Variants in ADRA1A observed in about 807,000 individuals in gnomAD.
ADRA1A encodes the protein adrenoceptor alpha 1A.
In ADRA1A, 31 loss-of-function variants were observed where a neutral mutation model predicts 29.6. That is an observed-to-expected ratio of 1.05 (90% CI 0.79 to 1.41). The LOEUF (loss-of-function observed/expected upper bound fraction) is 1.41. ADRA1A is among the 40% of genes most tolerant of loss of function. The pLI, the probability that ADRA1A is intolerant of heterozygous loss-of-function variation, is 0.00. For missense variants in ADRA1A, 619 were observed against 601.1 expected (o/e 1.03, Z -0.31); for synonymous variants, 311 against 254.3 (o/e 1.22, Z -2.12).
chr8:26,756,506 GCTCTTTTCCTCT>G, exon 3 of ADRA1A: 1 of 1,520,424 alleles, frequency 6.6e-7, no homozygotes. Context: ...GTCCCTGAAG[GCTCTTTTCCTCT>G]TTCCCTTTGC....
At chr8:26,772,947 C>T (rs536264939) in intron 2 of ADRA1A, among the ~76,000 whole-genome samples, 29 of 152,206 alleles carry the variant, frequency 1.9e-4, no homozygotes, top group Non-Finnish European at 3.1e-4. Context: ...TAAAGCTTTT[C>T]ATGTTGTCCT....
At chr8:26,828,816 G>A (rs1025758590) in intron 2 of ADRA1A, among the ~76,000 whole-genome samples, 2 of 151,996 alleles carry the variant, frequency 1.3e-5, no homozygotes, top group African/African-American at 4.8e-5. Context: ...TCATGCCTAT[G>A]GCTATTTGCT....
intron 2 of ADRA1A, among the ~76,000 whole-genome samples, chr8:26,840,579 C>T (rs1003682414): frequency 6.6e-6 from 1 of 150,788 alleles, no homozygotes. Context: ...TTATCCTGAA[C>T]TTTAGCGTTC....
intron 2 of ADRA1A, among the ~76,000 whole-genome samples, chr8:26,781,824 T>C (rs1807003391): frequency 6.6e-6 from 1 of 152,114 alleles, no homozygotes; most frequent in Admixed American, 6.5e-5. Context: ...AAGGAGGAAG[T>C]GTGAGGCTTT....
intron 2 of ADRA1A, among the ~76,000 whole-genome samples, chr8:26,776,763 G>C (rs978026780): frequency 6.6e-6 from 1 of 152,148 alleles, no homozygotes; most frequent in Admixed American, 6.5e-5. Flanking sequence ...TGTTCAGAAG[G>C]GTTTGTCAGC....
chr8:26,808,380 T>G (rs916453275), intron 2 of ADRA1A, among the ~76,000 whole-genome samples: 1 of 152,232 alleles, frequency 6.6e-6, no homozygotes, highest in African/African-American at 2.4e-5. Flanking sequence ...AATCTTCTAG[T>G]GCTGGATTTT....
At chr8:26,799,493 C>T (rs1253592898) in intron 2 of ADRA1A, among the ~76,000 whole-genome samples, 1 of 152,188 alleles carries the variant, frequency 6.6e-6, no homozygotes, top group Non-Finnish European at 1.5e-5. Flanking sequence ...AATCTGTGGT[C>T]AAATATACCC....
intron 2 of ADRA1A, among the ~76,000 whole-genome samples, chr8:26,814,240 T>G (rs142433400): frequency 1.7e-3 from 256 of 152,216 alleles, no homozygotes; most frequent in Middle Eastern, 6.8e-3. Context: ...TTTCTAAAAT[T>G]TTTCATTTAT....
chr8:26,822,347 C>T (rs1563280585), intron 2 of ADRA1A, among the ~76,000 whole-genome samples: 1 of 152,096 alleles, frequency 6.6e-6, no homozygotes, highest in Non-Finnish European at 1.5e-5. Flanking sequence ...TGTCTGAGGG[C>T]TAAAAGGGAT....
chr8:26,770,007 G>C lies in ADRA1A; in HGVS notation c.*142C>G. The C allele has an allele frequency of 6.9e-7, 1 of 1,453,866 alleles. No individual in the cohort carries two copies. Among genetic ancestry groups the C allele is most frequent in the Non-Finnish European group, 9.0e-7 (1 of 1,107,370 alleles). 90.1% of individuals were successfully genotyped at this position (1,453,866 alleles called of 1,614,324 possible). ...CTGTGCCCTACCCGCTGCCTGATGAGTTGGGTCTACCACCCACCCCATTCC... is the reference window on the plus strand; with the variant it reads ...CTGTGCCCTACCCGCTGCCTGATGACTTGGGTCTACCACCCACCCCATTCC... On this transcript the variant is annotated 3_prime_UTR_variant, in exon 3 of 3. Transcript: ENST00000380573.
intron 2 of ADRA1A, among the ~76,000 whole-genome samples, chr8:26,789,147 T>G (rs753469459): frequency 1.3e-5 from 2 of 151,482 alleles, no homozygotes; most frequent in Non-Finnish European, 1.5e-5. Context: ...TTCCCCTAAA[T>G]TGTTTTTAAA....
At chr8:26,789,261 T>A (rs1563254197) in intron 2 of ADRA1A, among the ~76,000 whole-genome samples, 1 of 152,120 alleles carries the variant, frequency 6.6e-6, no homozygotes, top group Non-Finnish European at 1.5e-5. Flanking sequence ...CTTCAAAATA[T>A]GTTGTGAAGC....
chr8:26,757,516 C>CA (rs917719672), intron 2 of ADRA1A, among the ~76,000 whole-genome samples: 2 of 150,330 alleles, frequency 1.3e-5, no homozygotes, highest in East Asian at 2.1e-4. Context: ...TCCATTTCCC[C>CA]CACCCCCCAC....
intron 2 of ADRA1A, among the ~76,000 whole-genome samples, chr8:26,789,734 C>A (rs1041502779): frequency 2.6e-5 from 4 of 151,992 alleles, no homozygotes; most frequent in African/African-American, 9.7e-5. Context: ...AGATTAATAT[C>A]CAGAATATAA....
rs913297866 is a variant in ADRA1A at position 26,806,724 on chromosome 8, A to C, written c.884-36058T>G. Among the ~76,000 whole-genome samples the C allele has an allele frequency of 3.3e-5, 5 of 152,204 alleles. No homozygotes were observed. The highest frequency in any genetic ancestry group is 7.3e-5 in the Non-Finnish European group (5 of 68,030). On this transcript the variant is annotated intron_variant, in intron 2 of 2. Transcript: ENST00000380573. The surrounding 1 kb of genome is among the most constrained non-coding windows in gnomAD (Gnocchi z 4.6). ...TAACCGAGAGTTCGGTCATTACATA[A>C]AGCTGCCACATGCCTGGAAGGAGGA...
rs758109485 is a variant in ADRA1A at position 26,770,596 on chromosome 8, G to A, written c.954C>T (p.Asn318=). 3 of 1,614,182 alleles carry A rather than the reference G, an allele frequency of 1.9e-6. No individual in the cohort carries two copies. The highest frequency in any genetic ancestry group is 2.2e-5 in the East Asian group (1 of 44,890). The part of the protein sequence containing the change: ...FKIVFWLGYL[N]SCINPIIYPC... Reference sequence around the variant, plus strand: ...GGTATATGATGGGGTTGATGCAGCTGTTTAGATATCCGAGCCAAAATACTA... The same window carrying A: ...GGTATATGATGGGGTTGATGCAGCTATTTAGATATCCGAGCCAAAATACTA... Residue 318 remains asparagine (N), a synonymous_variant, in exon 3 of 3, where the codon AAC becomes AAT. Transcript: ENST00000380573.
intron 2 of ADRA1A, among the ~76,000 whole-genome samples, chr8:26,771,341 A>C (rs1203272821): frequency 6.6e-6 from 1 of 152,220 alleles, no homozygotes; most frequent in African/African-American, 2.4e-5. Context: ...CTCTGGTCTA[A>C]CCAGCTTTCT....
rs1482492829 is a variant in ADRA1A, at chr8:26,825,588, C to T, written c.883+38499G>A. ...TTTTGATACTTATATCCCACTTATT[C>T]ACTAATCCCAGATCAAGCTTCACTT... On this transcript the variant is annotated intron_variant, in intron 2 of 2. Coordinates refer to ENST00000380573, the MANE Select transcript of ADRA1A (RefSeq NM_000680.4). The surrounding 1 kb of genome is among the most constrained non-coding windows in gnomAD (Gnocchi z 5.7). Among the ~76,000 whole-genome samples, 1 of 152,170 alleles carries T rather than the reference C, an allele frequency of 6.6e-6. No individual in the cohort carries two copies. Among genetic ancestry groups the T allele is most frequent in the Admixed American group, 6.5e-5 (1 of 15,268 alleles).
chr8:26,797,617 G>T (rs1808272054), intron 2 of ADRA1A, among the ~76,000 whole-genome samples: 1 of 151,916 alleles, frequency 6.6e-6, no homozygotes, highest in South Asian at 2.1e-4. Context: ...TTATTTTAAA[G>T]AAATTAATAT....
Sources: allele counts gnomAD v4.1 joint callset (sites outside exome capture counted in the v4.1 genomes callset), GRCh38; gene constraint gnomAD v4.1.1; non-coding constraint Gnocchi (gnomAD v3.1); transcripts MANE v1.5; gene names NCBI Gene and HGNC (gene_info 2026-07-23, HGNC 2026-07-21).